Variants in OSBPL8 observed in about 807,000 individuals in gnomAD.
OSBPL8 encodes oxysterol binding protein like 8.
In OSBPL8, 59 loss-of-function variants were observed where a neutral mutation model predicts 125.5. That is an observed-to-expected ratio of 0.47 (90% CI 0.38 to 0.58). OSBPL8 has a LOEUF of 0.58. OSBPL8 is among the 20% of genes least tolerant of loss of function. The probability of loss-of-function intolerance (pLI) is 0.00; values close to 1 mark genes in which losing one functional copy is unlikely to be tolerated. For missense variants in OSBPL8, 758 were observed against 1,047.8 expected (o/e 0.72, Z 3.82); for synonymous variants, 330 against 338.9 (o/e 0.97, Z 0.29).
intron 1 of OSBPL8, among the ~76,000 whole-genome samples, chr12:76,557,165 T>C (rs1034855335): frequency 3.3e-5 from 5 of 152,168 alleles, no homozygotes; most frequent in African/African-American, 1.2e-4. Context: ...AGGATAAAAG[T>C]TTTCCAAATT....
chr12:76,402,823 T>C (rs962687243), intron 5 of OSBPL8, 57 bp from the exon 6 acceptor site: 6 of 1,091,460 alleles, frequency 5.5e-6, no homozygotes, highest in African/African-American at 1.6e-5. Context: ...ACACGTCGCA[T>C]AAAAATTAAT....
chr12:76,474,053 A>G (rs889796297), intron 2 of OSBPL8, among the ~76,000 whole-genome samples: 2 of 152,196 alleles, frequency 1.3e-5, no homozygotes, highest in African/African-American at 4.8e-5. Flanking sequence ...AGTTTTACCC[A>G]TAAGACCTAA....
intron 4 of OSBPL8, among the ~76,000 whole-genome samples, chr12:76,411,210 C>T (rs1954500671): frequency 6.6e-6 from 1 of 152,070 alleles, no homozygotes; most frequent in African/African-American, 2.4e-5. Context: ...TACAAGAGTG[C>T]AGTGAGACAA....
At chr12:76,433,549 A>G (rs1472680080) in intron 4 of OSBPL8, among the ~76,000 whole-genome samples, 1 of 152,176 alleles carries the variant, frequency 6.6e-6, no homozygotes, top group Non-Finnish European at 1.5e-5. Flanking sequence ...ATGAAAGAAG[A>G]CACAGATAAA....
intron 1 of OSBPL8, among the ~76,000 whole-genome samples, chr12:76,530,965 C>T (rs1305340840): frequency 1.3e-5 from 2 of 152,134 alleles, no homozygotes; most frequent in African/African-American, 4.8e-5. Flanking sequence ...ATTGCCATCC[C>T]TATTATTTTT....
At chr12:76,456,190 CATAAATA>C (rs2136784572) in intron 3 of OSBPL8, among the ~76,000 whole-genome samples, 1 of 152,214 alleles carries the variant, frequency 6.6e-6, no homozygotes, top group African/African-American at 2.4e-5. Context: ...TTTTTAAAGT[CATAAATA>C]ATAATCTGTA....
At chr12:76,395,904 T>C (rs1953772970) in intron 8 of OSBPL8, among the ~76,000 whole-genome samples, 1 of 151,884 alleles carries the variant, frequency 6.6e-6, no homozygotes, top group Admixed American at 6.6e-5. Context: ...TCTTCCAATA[T>C]TAAGAATTAA....
chr12:76,418,432 A>G (rs1228107629), intron 4 of OSBPL8, among the ~76,000 whole-genome samples: 2 of 152,174 alleles, frequency 1.3e-5, no homozygotes, highest in African/African-American at 2.4e-5. Flanking sequence ...GTCATTAAGT[A>G]GCTAAGTGAG....
chr12:76,477,151 T>C (rs1265280485), intron 2 of OSBPL8, among the ~76,000 whole-genome samples: 3 of 152,322 alleles, frequency 2.0e-5, no homozygotes, highest in African/African-American at 7.2e-5. Context: ...TGTCAATTAT[T>C]CTTTCTTTAA....
At chr12:76,420,087 C>G (rs532316753) in intron 4 of OSBPL8, among the ~76,000 whole-genome samples, 2 of 152,166 alleles carry the variant, frequency 1.3e-5, no homozygotes, top group Admixed American at 6.5e-5. Flanking sequence ...ATACCTGGTT[C>G]ATTAATACTG....
chr12:76,525,081 G>C (rs1030565896), intron 1 of OSBPL8, among the ~76,000 whole-genome samples: 6 of 152,092 alleles, frequency 3.9e-5, no homozygotes. Flanking sequence ...ACTGCAAAGG[G>C]GGGTAAAAAC....
chr12:76,357,244 T>TAGAGA (rs1313760748), intron 22 of OSBPL8, among the ~76,000 whole-genome samples: 19 of 152,316 alleles, frequency 1.2e-4, no homozygotes, highest in African/African-American at 4.6e-4. Flanking sequence ...ACTTAACCTC[T>TAGAGA]CTGCAAGTGT....
intron 21 of OSBPL8, among the ~76,000 whole-genome samples, chr12:76,362,539 A>G (rs545400539): frequency 6.6e-6 from 1 of 152,328 alleles, no homozygotes; most frequent in Non-Finnish European, 1.5e-5. Flanking sequence ...TCTCAAAATA[A>G]TAAGAGCTAT....
At chr12:76,486,178 G>A in intron 2 of OSBPL8, 1 of 299,196 alleles carries the variant, frequency 3.3e-6, no homozygotes. Flanking sequence ...GACTGAACCA[G>A]GAATTCAAGA....
intron 9 of OSBPL8, among the ~76,000 whole-genome samples, chr12:76,393,416 T>TA (rs1474457538): frequency 1.3e-5 from 2 of 152,016 alleles, no homozygotes; most frequent in Non-Finnish European, 2.9e-5. Flanking sequence ...TATTTTAATT[T>TA]AAAAAAATCA....
At chr12:76,464,728 A>C (rs1875189630) in intron 2 of OSBPL8, among the ~76,000 whole-genome samples, 1 of 152,168 alleles carries the variant, frequency 6.6e-6, no homozygotes, top group African/African-American at 2.4e-5. Flanking sequence ...TTGGCACAGC[A>C]CTTCCCTCTT....
Position 76,482,209 on chromosome 12 carries a change from A to G in OSBPL8, c.42+5301T>C, listed in dbSNP as rs57707291. ...TTTAAATTGTTGCTTTCTTCTAAAA[A>G]ATCATTTATAAAATCAATTTTTAAT... On this transcript the variant is annotated intron_variant, in intron 2 of 23. Transcript: ENST00000261183. 3.0e-3 allele frequency among the ~76,000 whole-genome samples: 451 copies of G among 152,350 alleles called. 1 individual carries two copies. The highest frequency in any genetic ancestry group is 0.01 in the African/African-American group (433 of 41,582).
intron 21 of OSBPL8, among the ~76,000 whole-genome samples, chr12:76,359,868 G>A (rs753308295): frequency 6.6e-6 from 1 of 152,076 alleles, no homozygotes; most frequent in Non-Finnish European, 1.5e-5. Context: ...TGGTAATTAT[G>A]GGAGTACAAT....
chr12:76,519,740 A>G (rs1205904528), intron 1 of OSBPL8, among the ~76,000 whole-genome samples: 1 of 152,182 alleles, frequency 6.6e-6, no homozygotes, highest in African/African-American at 2.4e-5. Context: ...GGGGAGCAGC[A>G]TATCACATGG....
Sources: allele counts gnomAD v4.1 joint callset (sites outside exome capture counted in the v4.1 genomes callset), GRCh38; gene constraint gnomAD v4.1.1; transcripts MANE v1.5; gene names NCBI Gene and HGNC (gene_info 2026-07-23, HGNC 2026-07-21).